GRIN2A: variants seen among roughly 807,000 people sequenced by gnomAD.
GRIN2A encodes glutamate receptor ionotropic, NMDA 2A.
A neutral mutation model predicts 113.4 loss-of-function variants in GRIN2A; 22 were observed. That is an observed-to-expected ratio of 0.19 (90% CI 0.14 to 0.28). The LOEUF is 0.28. GRIN2A is among the 10% of genes least tolerant of loss of function. The pLI, the probability that GRIN2A is intolerant of heterozygous loss-of-function variation, is 1.00. For synonymous variants in GRIN2A, 827 were observed against 738.4 expected (o/e 1.12, Z -1.94); for missense variants, 1,502 against 1,887.0 (o/e 0.80, Z 3.78).
At chr16:9,951,021 T>A (rs752418747) in intron 2 of GRIN2A, among the ~76,000 whole-genome samples, 1 of 152,204 alleles carries the variant, frequency 6.6e-6, no homozygotes, top group Non-Finnish European at 1.5e-5. Flanking sequence ...TCTTCACCAC[T>A]GACAACGTGC....
intron 2 of GRIN2A, among the ~76,000 whole-genome samples, chr16:10,010,705 G>A (rs2046489162): frequency 6.6e-6 from 1 of 152,138 alleles, no homozygotes; most frequent in Non-Finnish European, 1.5e-5. Context: ...GAGAGGAGGA[G>A]AGGAGAGGCT....
chr16:10,144,752 C>T (rs1407680790), intron 2 of GRIN2A, among the ~76,000 whole-genome samples: 5 of 151,754 alleles, frequency 3.3e-5, no homozygotes, highest in African/African-American at 1.2e-4. Flanking sequence ...GAAACCTGGT[C>T]TCTACTAAAA....
At chr16:10,074,921 C>T (rs1004015192) in intron 2 of GRIN2A, among the ~76,000 whole-genome samples, 2 of 152,178 alleles carry the variant, frequency 1.3e-5, no homozygotes, top group Non-Finnish European at 2.9e-5. Flanking sequence ...CTAGGTATCA[C>T]TTATTGACCA....
intron 4 of GRIN2A, among the ~76,000 whole-genome samples, chr16:9,865,281 C>T (rs1036046122): frequency 2.0e-5 from 3 of 152,088 alleles, no homozygotes; most frequent in Admixed American, 6.6e-5. Flanking sequence ...AAAACTAAGC[C>T]TAAGTAACCC....
chr16:9,859,641 C>G (rs924742684), intron 4 of GRIN2A, among the ~76,000 whole-genome samples: 12 of 150,794 alleles, frequency 8.0e-5, no homozygotes, highest in African/African-American at 2.7e-4. Flanking sequence ...CACACACACA[C>G]ACAGAGAGGA....
chr16:9,821,809 C>G lies in GRIN2A; in HGVS notation c.2168+455G>C, dbSNP rs1476953. 3.3e-3 allele frequency among the ~76,000 whole-genome samples: 496 copies of G among 152,186 alleles called. 2 individuals carry two copies. Among genetic ancestry groups the G allele is most frequent in the African/African-American group, 0.011 (466 of 41,516 alleles). The stretch of plus-strand genomic sequence containing the variant: ...TGATTTGAGTTCTCATTGCTTTTCT[C>G]CCATCTTTTCTTTCTCTTTCATCAA... On this transcript the variant is annotated intron_variant, in intron 10 of 12. Transcript: ENST00000330684.
intron 7 of GRIN2A, among the ~76,000 whole-genome samples, chr16:9,838,451 G>A (rs2042619166): frequency 1.3e-5 from 2 of 152,136 alleles, no homozygotes; most frequent in Non-Finnish European, 2.9e-5. Flanking sequence ...ATACATTGTG[G>A]AATACTACTC....
At chr16:10,082,494 A>G (rs530686752) in intron 2 of GRIN2A, among the ~76,000 whole-genome samples, 1 of 152,368 alleles carries the variant, frequency 6.6e-6, no homozygotes, top group East Asian at 1.9e-4. Context: ...GGTAAAAGTG[A>G]CAAGATTTTG....
At chr16:10,080,709 C>G (rs991255516) in intron 2 of GRIN2A, among the ~76,000 whole-genome samples, 1 of 152,176 alleles carries the variant, frequency 6.6e-6, no homozygotes, top group East Asian at 1.9e-4. Context: ...CAATATCACC[C>G]TCACCTTGTA....
At chr16:9,895,432 C>T (rs1006906816) in intron 3 of GRIN2A, among the ~76,000 whole-genome samples, 6 of 152,140 alleles carry the variant, frequency 3.9e-5, no homozygotes, top group South Asian at 2.1e-4. Context: ...TGGGAGAGGA[C>T]GCTAGAGACA....
rs141748843 is a variant in GRIN2A at position 10,169,659 on chromosome 16, C to T, written c.414+10339G>A. On this transcript the variant is annotated intron_variant, in intron 2 of 12. Coordinates refer to ENST00000330684, the MANE Select transcript of GRIN2A (RefSeq NM_001134407.3). ...TAGAAGAATGGGAAGGATCTGAGTC[C>T]TCAATGTGACATTAAGTCACTAAGC... 9.9e-5 allele frequency among the ~76,000 whole-genome samples: 15 copies of T among 152,214 alleles called. No individual in the cohort carries two copies. The East Asian group carries it at 2.7e-3, about 27-fold the overall frequency.
chr16:9,884,277 A>G (rs535370452), intron 4 of GRIN2A, among the ~76,000 whole-genome samples: 91 of 152,336 alleles, frequency 6.0e-4, no homozygotes, highest in African/African-American at 2.0e-3. Flanking sequence ...GGCCAGGCGC[A>G]GTGGCTCATG....
chr16:10,133,567 A>G (rs1045479183), intron 2 of GRIN2A, among the ~76,000 whole-genome samples: 6 of 152,170 alleles, frequency 3.9e-5, no homozygotes, highest in African/African-American at 1.4e-4. Context: ...ATATCATGCC[A>G]CTGCACTCCA....
chr16:9,906,658 C>T (rs2044033844), intron 3 of GRIN2A, among the ~76,000 whole-genome samples: 1 of 152,136 alleles, frequency 6.6e-6, no homozygotes, highest in East Asian at 1.9e-4. Flanking sequence ...AACAACTCAC[C>T]TTAACAGGGA....
chr16:9,940,698 C>T (rs1181987993), intron 2 of GRIN2A, among the ~76,000 whole-genome samples: 1 of 148,382 alleles, frequency 6.7e-6, no homozygotes. Flanking sequence ...ATATTGTGTC[C>T]AAAACAAAAC....
At chr16:9,790,338 A>G (rs1446809937) in intron 11 of GRIN2A, among the ~76,000 whole-genome samples, 1 of 152,042 alleles carries the variant, frequency 6.6e-6, no homozygotes, top group Non-Finnish European at 1.5e-5. Context: ...TTGAGCCCCA[A>G]CTCTGCACTC....
chr16:9,784,564 G>A (rs961115938), intron 11 of GRIN2A, among the ~76,000 whole-genome samples: 16 of 151,700 alleles, frequency 1.1e-4, no homozygotes, highest in African/African-American at 3.9e-4. Flanking sequence ...CAAAAGCAAT[G>A]GCAACAAAAG....
At chr16:9,785,967 A>C (rs1338166296) in intron 11 of GRIN2A, among the ~76,000 whole-genome samples, 2 of 152,336 alleles carry the variant, frequency 1.3e-5, no homozygotes, top group East Asian at 1.9e-4. Context: ...AGGGAGAATG[A>C]ATGAATGAAC....
At chr16:10,072,683 A>C (rs766041629) in intron 2 of GRIN2A, among the ~76,000 whole-genome samples, 1 of 152,204 alleles carries the variant, frequency 6.6e-6, no homozygotes, top group African/African-American at 2.4e-5. Flanking sequence ...ACCCCCTGAC[A>C]TCAGAATCAC....
Sources: allele counts gnomAD v4.1 joint callset (sites outside exome capture counted in the v4.1 genomes callset), GRCh38; gene constraint gnomAD v4.1.1; transcripts MANE v1.5; gene names NCBI Gene and HGNC (gene_info 2026-07-23, HGNC 2026-07-21).